The following QRICH2 variants were observed in gnomAD, a reference collection of about 807,000 sequenced individuals.
QRICH2 encodes the protein glutamine rich 2.
In QRICH2, 119 loss-of-function variants were observed where a neutral mutation model predicts 168.3. The ratio of observed to expected loss-of-function variants is 0.71; its 90% CI spans 0.61 to 0.82. The LOEUF (loss-of-function observed/expected upper bound fraction) is 0.82. Ranked by LOEUF, QRICH2 falls within the 40% of genes least tolerant of loss-of-function variation. The pLI is 0.00. For missense variants in QRICH2, 2,241 were observed against 2,491.6 expected (o/e 0.90, Z 2.14); for synonymous variants, 894 against 951.2 (o/e 0.94, Z 1.11).
rs921294024 is a variant in QRICH2 at position 76,281,080 on chromosome 17, T to C, written c.4264-127A>G. The C allele has an allele frequency of 1.5e-6, 2 of 1,313,974 alleles. No individual in the cohort carries two copies. Among genetic ancestry groups the C allele is most frequent in the Non-Finnish European group, 2.1e-6 (2 of 972,922 alleles). 81.4% of individuals were successfully genotyped at this position (1,313,974 alleles called of 1,614,324 possible). ...CTGCAAGGCTGGGAGCGGTGGCTCA[T>C]GCCTGTAGTCCTGGCACTTTGGGAA... On this transcript the variant is annotated intron_variant, in intron 8 of 18. Coordinates refer to ENST00000680821, the MANE Select transcript of QRICH2 (RefSeq NM_001388453.1). This position sits in a 1 kb window ranked among gnomAD's most constrained non-coding sequence, Gnocchi z 4.4.
rs1385340024 is a variant in QRICH2 at position 76,292,846 on chromosome 17, C to T, written c.1881G>A (p.Gln627=). The part of the protein sequence containing the change: ...QRGLVWPGMD[Q]SGLAQPGRDQ... ...CTCTACCAGGTTGGGCCAAACCAGA[C>T]TGATCCATTCCAGGCCAGACCAAAC... The change falls in exon 4 of 19, where the codon CAG becomes CAA. Residue 627 remains glutamine (Q), a synonymous_variant. Coordinates refer to ENST00000680821, the MANE Select transcript of QRICH2 (RefSeq NM_001388453.1). 1 of 1,603,690 alleles carries T rather than the reference C, an allele frequency of 6.2e-7. No individual in the cohort carries two copies. Among genetic ancestry groups the T allele is most frequent in the Admixed American group, 1.7e-5 (1 of 59,306 alleles).
In QRICH2 at chr17:76,277,329, G is replaced by A. The variant is rs1185267621; in HGVS notation, c.5118-19C>T. ...TGTCACCCTGTGATGAAGACAGGAT[G>A]GAGTCATTGGGAGCAGACCACCAGG... On this transcript the variant is annotated intron_variant, in intron 15 of 18. Transcript: ENST00000680821. 1.2e-6 allele frequency: 2 copies of A among 1,606,746 alleles called. No homozygotes were observed. The highest frequency in any genetic ancestry group is 1.3e-5 in the African/African-American group (1 of 74,538).
rs777491195 is a variant in QRICH2, at chr17:76,275,930, G to A, written c.5371C>T (p.Arg1791Cys). 31 of 1,608,236 alleles carry A rather than the reference G, an allele frequency of 1.9e-5. No individual in the cohort carries two copies. Among genetic ancestry groups the A allele is most frequent in the Non-Finnish European group, 2.4e-5 (28 of 1,179,906 alleles). Residue 1791 changes from arginine (R) to cysteine (C), a missense_variant, in exon 18 of 19, where the codon CGC (arginine) becomes TGC (cysteine). By Grantham distance (180) the Arg-to-Cys change is radical. This residue lies in a region of QRICH2 where 189 missense variants were observed against 169.3 expected (regional missense o/e 1.12). Transcript: ENST00000680821. ...TGGGGCCTGGGCTGCTGGGACTTGCGCTTTGAGGTCCCTGAGCCTGATGGG... is the reference window on the plus strand; with the variant it reads ...TGGGGCCTGGGCTGCTGGGACTTGCACTTTGAGGTCCCTGAGCCTGATGGG... Reference protein sequence around the residue: ...LRKDSSGTSKRKSQQPRPHVH... With the variant: ...LRKDSSGTSKCKSQQPRPHVH...
chr17:76,299,173 A>G (rs2143363960), intron 3 of QRICH2, among the ~76,000 whole-genome samples: 2 of 152,228 alleles, frequency 1.3e-5, no homozygotes, highest in Middle Eastern at 3.4e-3. Flanking sequence ...AATATGTTCA[A>G]ATGGCCCTCA....
intron 3 of QRICH2, among the ~76,000 whole-genome samples, chr17:76,299,417 C>T (rs1464197771): frequency 1.3e-5 from 2 of 152,040 alleles, no homozygotes; most frequent in African/African-American, 2.4e-5. Context: ...AGGGCTCATT[C>T]TCAGAGGAAA....
Position 76,278,076 on chromosome 17 carries a change from A to C in QRICH2, c.5030T>G (p.Ile1677Ser). The part of the protein sequence containing the change: ...KMLMNIEKVQ[I>S]HFGGSTKASS... ...GGCCTTGGTGGAGCCCCCGAAGTGG[A>C]TCTGCACCTTCTCAATGTTCATCAG... The change falls in exon 15 of 19, where the codon ATC becomes AGC. Residue 1677 changes from isoleucine to serine, a missense_variant. Physicochemically the swap from Ile to Ser is moderately radical, Grantham distance 142. Transcript: ENST00000680821. 6.2e-7 allele frequency: 1 copy of C among 1,613,952 alleles called. No homozygotes were observed. The highest frequency in any genetic ancestry group is 8.5e-7 in the Non-Finnish European group (1 of 1,180,040).
chr17:76,297,044 G>GT (rs2070808766), intron 3 of QRICH2, among the ~76,000 whole-genome samples: 1 of 152,222 alleles, frequency 6.6e-6, no homozygotes, highest in African/African-American at 2.4e-5. Flanking sequence ...AGAGCAGAGT[G>GT]TACTCAGAAA....
chr17:76,274,825 T>G (rs2070644060), intron 18 of QRICH2, among the ~76,000 whole-genome samples: 1 of 152,164 alleles, frequency 6.6e-6, no homozygotes. Context: ...AGCAAGGACC[T>G]TCACCTCTCT....
intron 3 of QRICH2, among the ~76,000 whole-genome samples, chr17:76,303,238 A>G (rs1464398997): frequency 6.6e-6 from 1 of 152,126 alleles, no homozygotes; most frequent in Non-Finnish European, 1.5e-5. Flanking sequence ...CCCTGAAATC[A>G]GAAAATGGTC....
In QRICH2 at chr17:76,281,857, GCCC is replaced by G. The variant is rs1568108452; in HGVS notation, c.4263+4_4263+6del. ...TTGCAGCAGGAGGGAGGCGAGCAGA[GCCC>G]CACCTGTCTCTGGAGCTTGGCCTTC... On this transcript the variant is annotated splice_donor_5th_base_variant and intron_variant, in intron 8 of 18. Transcript: ENST00000680821. The surrounding 1 kb of genome is among the most constrained non-coding windows in gnomAD (Gnocchi z 4.4). The G allele has an allele frequency of 1.2e-6, 2 of 1,610,930 alleles. No homozygotes were observed. The highest frequency in any genetic ancestry group is 2.2e-5 in the South Asian group (2 of 90,992).
Position 76,284,168 on chromosome 17 carries a change from C to CAAAAAAAAAAAAAAAAAAAA in QRICH2, c.4012-2073_4012-2054dup, listed in dbSNP as rs61553346. On this transcript the variant is annotated intron_variant, in intron 7 of 18. Transcript: ENST00000680821. ...GGGCAACAGAGCAAAACTCTGTCTCCAAAAAAAAAAAAAAAAAAAAAAAAA... is the reference window on the plus strand; with the variant it reads ...GGGCAACAGAGCAAAACTCTGTCTCCAAAAAAAAAAAAAAAAAAAAAAAAAAAAAAAAAAAAAAAAAAAAA... 2.7e-4 allele frequency among the ~76,000 whole-genome samples: 17 copies of CAAAAAAAAAAAAAAAAAAAA among 62,746 alleles called. 1 individual carries two copies. Among genetic ancestry groups the CAAAAAAAAAAAAAAAAAAAA allele is most frequent in the Admixed American group, 7.1e-4 (4 of 5,600 alleles). 41.2% of individuals were successfully genotyped at this position (62,746 alleles called of 152,430 possible).
intron 7 of QRICH2, among the ~76,000 whole-genome samples, chr17:76,285,782 G>C (rs1483814789): frequency 6.6e-6 from 1 of 151,876 alleles, no homozygotes. Context: ...CCAGGAGTTG[G>C]AGATTGCAGT....
intron 7 of QRICH2, among the ~76,000 whole-genome samples, chr17:76,285,102 G>A (rs2070858059): frequency 7.1e-6 from 1 of 141,018 alleles, no homozygotes; most frequent in African/African-American, 3.1e-5. Context: ...TTACAGGTGT[G>A]CACCACCACA....
rs2070994451 is a variant in QRICH2 at position 76,291,645 on chromosome 17, T to G, written c.3082A>C (p.Ser1028Arg). The change falls in exon 4 of 19, where the codon AGT becomes CGT. Residue 1028 changes from serine (S) to arginine (R), a missense_variant. This residue lies in a region of QRICH2 where 2,047 missense variants were observed against 2,303.8 expected (regional missense o/e 0.89). Coordinates refer to ENST00000680821, the MANE Select transcript of QRICH2 (RefSeq NM_001388453.1). Reference sequence around the variant, plus strand: ...ATACCAGGTGATGCCAAACCTTGACTGGCTAGGAGTGGTGACACCTGGCCG... The same window carrying G: ...ATACCAGGTGATGCCAAACCTTGACGGGCTAGGAGTGGTGACACCTGGCCG... The part of the protein sequence containing the change: ...QYGQVSPLLA[S>R]QGLASPGIDR... The G allele has an allele frequency of 6.2e-7, 1 of 1,614,174 alleles. No individual in the cohort carries two copies. The highest frequency in any genetic ancestry group is 8.5e-7 in the Non-Finnish European group (1 of 1,180,012).
intron 12 of QRICH2, 151 bp downstream of exon 12, chr17:76,279,882 G>A (rs1293264297): frequency 3.2e-6 from 3 of 925,928 alleles, no homozygotes; most frequent in Non-Finnish European, 3.1e-6. Context: ...AGCGTTTCAA[G>A]CTCTAAAATT....
At chr17:76,295,087 A>AATAAATAAATAT (rs2070775201) in intron 3 of QRICH2, among the ~76,000 whole-genome samples, 2 of 150,820 alleles carry the variant, frequency 1.3e-5, no homozygotes, top group African/African-American at 4.9e-5. Context: ...TAAATAAATA[A>AATAAATAAATAT]ATAAATAAAT....
chr17:76,292,744 T>TAC lies in QRICH2; in HGVS notation c.1981_1982dup (p.Gln662TyrfsTer5). ...TGCCAGGCTGATCTACACCAGGCTG[T>TAC]ACCAAGACACCCTGACCTGTGCCAG... On this transcript the variant is annotated frameshift_variant, in exon 4 of 19. Coordinates refer to ENST00000680821, the MANE Select transcript of QRICH2 (RefSeq NM_001388453.1). LOFTEE classifies it high-confidence loss of function. The TAC allele has an allele frequency of 6.2e-7, 1 of 1,612,136 alleles. No individual in the cohort carries two copies. Among genetic ancestry groups the TAC allele is most frequent in the Non-Finnish European group, 8.5e-7 (1 of 1,179,568 alleles).
At position 76,307,612 on chromosome 17, in the gene QRICH2, C is replaced by T. The variant is rs1273374784; in HGVS notation, c.387G>A (p.Thr129=). 5.9e-6 allele frequency: 9 copies of T among 1,530,364 alleles called. No homozygotes were observed. Among genetic ancestry groups the T allele is most frequent in the Non-Finnish European group, 7.9e-6 (9 of 1,135,024 alleles). The allele number at this position is 1,530,364 out of a possible 1,614,324, so 94.8% of individuals were successfully genotyped here. ...RVDGQVQGIA[T]HVQHFSQASG... is the part of the protein sequence containing the mutation. ...TGGCCTGGGAGAAGTGCTGCACGTG[C>T]GTGGCGATGCCCTGCACCTGGCCGT... Residue 129 remains threonine, a synonymous_variant, in exon 1 of 19, where the codon ACG becomes ACA. Coordinates refer to ENST00000680821, the MANE Select transcript of QRICH2 (RefSeq NM_001388453.1). The surrounding 1 kb of genome is among the most constrained non-coding windows in gnomAD (Gnocchi z 5.3).
At chr17:76,287,712 G>C (rs1232385641) in intron 6 of QRICH2, 88 bp downstream of exon 6, 41 of 901,978 alleles carry the variant, frequency 4.5e-5, no homozygotes, top group Non-Finnish European at 7.5e-5. Context: ...CCATTCAGGG[G>C]CATAAGGGAG....
Sources: gnomAD v4.1 joint callset for allele counts (sites outside exome capture counted in the v4.1 genomes callset) on GRCh38, gnomAD v4.1.1 for gene constraint, gnomAD v4.1.1 regional missense constraint, Gnocchi (gnomAD v3.1) non-coding constraint, MANE v1.5 for transcripts, NCBI Gene and HGNC (gene_info 2026-07-23, HGNC 2026-07-21) for gene names.